The following CCDC82 variants were observed in gnomAD, a reference collection of about 807,000 sequenced individuals.
The protein encoded by CCDC82 is coiled-coil domain-containing protein 82.
In CCDC82, 47 loss-of-function variants were observed where a neutral mutation model predicts 60.6. The observed-to-expected ratio is 0.77, with a 90% CI of 0.61 to 0.99. The LOEUF (loss-of-function observed/expected upper bound fraction) is 0.99. Ranked by LOEUF, CCDC82 falls within the 50% of genes least tolerant of loss-of-function variation. CCDC82 has a pLI of 0.00. For synonymous variants in CCDC82, 212 were observed against 207.4 expected, an observed-to-expected ratio of 1.02 and a Z score of -0.19; for missense variants, 588 against 633.0, an observed-to-expected ratio of 0.93 and a Z score of 0.76.
At chr11:96,371,378 C>T (rs1036684211) in intron 6 of CCDC82, among the ~76,000 whole-genome samples, 6 of 152,086 alleles carry the variant, frequency 3.9e-5, no homozygotes, top group South Asian at 2.1e-4. Flanking sequence ...GTCAGGAGAT[C>T]GAGACCATCC....
At chr11:96,367,971 C>T (rs1179783839) in intron 7 of CCDC82, among the ~76,000 whole-genome samples, 3 of 152,004 alleles carry the variant, frequency 2.0e-5, no homozygotes, top group South Asian at 4.2e-4. Context: ...CAGGTGTGCA[C>T]CATAATGCCT....
chr11:96,369,532 G>A (rs1274316591), intron 7 of CCDC82, among the ~76,000 whole-genome samples: 1 of 152,132 alleles, frequency 6.6e-6, no homozygotes, highest in East Asian at 1.9e-4. Context: ...AGAGAGATGG[G>A]AAAACAGCCA....
Position 96,374,906 on chromosome 11 carries a change from C to T in CCDC82, c.992-1439G>A, listed in dbSNP as rs147848252. On this transcript the variant is annotated intron_variant, in intron 5 of 9. Transcript: ENST00000646818. ...TTGGATTGTAATTTATTTACATTGCCACTAGTGAATCTTATTAAAAATTTC... is the reference window on the plus strand; with the variant it reads ...TTGGATTGTAATTTATTTACATTGCTACTAGTGAATCTTATTAAAAATTTC... Among the ~76,000 whole-genome samples, 1,328 of 151,464 alleles carry T rather than the reference C, an allele frequency of 8.8e-3. 18 individuals carry two copies. The highest frequency in any genetic ancestry group is 0.034 in the Admixed American group (524 of 15,228).
At chr11:96,356,891 G>C in intron 9 of CCDC82, 1 of 985,376 alleles carries the variant, frequency 1.0e-6, no homozygotes, top group Non-Finnish European at 1.2e-6. Context: ...AAAAAGTAAG[G>C]TGTGGAATAC....
chr11:96,368,834 C>T (rs754404639), intron 7 of CCDC82, among the ~76,000 whole-genome samples: 22 of 150,142 alleles, frequency 1.5e-4, no homozygotes, highest in Non-Finnish European at 2.8e-4. Flanking sequence ...CCACTGCACT[C>T]CAACCTGGGC....
chr11:96,378,142 T>C (rs1011838158), intron 5 of CCDC82, among the ~76,000 whole-genome samples: 1 of 152,056 alleles, frequency 6.6e-6, no homozygotes, highest in Admixed American at 6.5e-5. Context: ...ACTTCTCAAC[T>C]ATCTCCTGTC....
At position 96,353,498 on chromosome 11, in the gene CCDC82, C is replaced by A; in HGVS notation, c.*148G>T. The stretch of plus-strand genomic sequence containing the variant: ...AATTAGAGTGTAGAGTGCCACTTCA[C>A]AGGAATTAAGATAATCATGTTTTAA... On this transcript the variant is annotated 3_prime_UTR_variant, in exon 10 of 10. Coordinates refer to ENST00000646818, the MANE Select transcript of CCDC82 (RefSeq NM_024725.4). 1.6e-6 allele frequency: 1 copy of A among 636,680 alleles called. No individual in the cohort carries two copies. The highest frequency in any genetic ancestry group is 2.8e-5 in the East Asian group (1 of 35,706). 39.4% of individuals were successfully genotyped at this position (636,680 alleles called of 1,614,324 possible). A position where few individuals can be genotyped will look rare whatever the true frequency, so the allele number is the denominator to read the frequency against.
chr11:96,376,552 T>G (rs957840020), intron 5 of CCDC82, among the ~76,000 whole-genome samples: 1 of 151,638 alleles, frequency 6.6e-6, no homozygotes, highest in African/African-American at 2.4e-5. Context: ...CTCAGCCTCC[T>G]GAGTAGCTGG....
intron 3 of CCDC82, 170 bp from the exon 4 acceptor site, chr11:96,384,931 T>C (rs910136104): frequency 3.9e-6 from 2 of 507,664 alleles, no homozygotes; most frequent in African/African-American, 2.0e-5. Flanking sequence ...AATAATTTAC[T>C]GAATGCCCAT....
intron 7 of CCDC82, among the ~76,000 whole-genome samples, chr11:96,366,060 T>C (rs1325345024): frequency 6.6e-6 from 1 of 152,242 alleles, no homozygotes; most frequent in Non-Finnish European, 1.5e-5. Flanking sequence ...CATGTATTAC[T>C]TACAGGCTGA....
intron 8 of CCDC82, chr11:96,364,418 T>G (rs1024830953): frequency 6.6e-6 from 1 of 152,100 alleles, no homozygotes; most frequent in Non-Finnish European, 1.5e-5. Context: ...TAGAAGAATT[T>G]AGATAAATAT....
At chr11:96,382,313 T>C (rs920326808) in intron 5 of CCDC82, 3 of 151,944 alleles carry the variant, frequency 2.0e-5, no homozygotes, top group Admixed American at 6.6e-5. Context: ...ATTCGGTGTT[T>C]TGTCGCCAAT....
intron 7 of CCDC82, among the ~76,000 whole-genome samples, chr11:96,367,497 T>C (rs1391722257): frequency 1.3e-5 from 2 of 152,192 alleles, no homozygotes; most frequent in East Asian, 3.8e-4. Flanking sequence ...CCTCATCCAT[T>C]CAATTTTTAT....
At chr11:96,383,537 A>C in intron 4 of CCDC82, 64 bp from the exon 5 acceptor site, 1 of 1,040,008 alleles carries the variant, frequency 9.6e-7, no homozygotes, top group Non-Finnish European at 1.4e-6. Context: ...ATCGATATAA[A>C]ATTAAAACAT....
chr11:96,369,023 T>C (rs1261796581), intron 7 of CCDC82, among the ~76,000 whole-genome samples: 1 of 152,210 alleles, frequency 6.6e-6, no homozygotes, highest in Non-Finnish European at 1.5e-5. Flanking sequence ...CACTTTTACG[T>C]TATGGAGATG....
chr11:96,355,361 G>A (rs1284406161), intron 9 of CCDC82: 2 of 152,062 alleles, frequency 1.3e-5, no homozygotes, highest in Admixed American at 6.6e-5. Flanking sequence ...CACACAGCTA[G>A]GACAATTAAA....
intron 5 of CCDC82, 62 bp downstream of exon 5, chr11:96,383,207 T>C (rs749044352): frequency 1.0e-6 from 1 of 977,204 alleles, no homozygotes; most frequent in Admixed American, 1.8e-5. Flanking sequence ...AAAGGCTAAT[T>C]TGATACTTGA....
intron 9 of CCDC82, chr11:96,357,156 C>T: frequency 2.0e-6 from 2 of 985,362 alleles, no homozygotes; most frequent in South Asian, 9.4e-5. Context: ...TGGGAAATGT[C>T]AGAGCACGTG....
At chr11:96,376,412 C>T (rs1236826757) in intron 5 of CCDC82, among the ~76,000 whole-genome samples, 1 of 150,298 alleles carries the variant, frequency 6.7e-6, no homozygotes. Context: ...TTTTTTTAAC[C>T]TATCAAGCCG....
Sources: gnomAD v4.1 joint callset for allele counts (sites outside exome capture counted in the v4.1 genomes callset) on GRCh38, gnomAD v4.1.1 for gene constraint, MANE v1.5 for transcripts, NCBI Gene and HGNC (gene_info 2026-07-23, HGNC 2026-07-21) for gene names.